Variants in RAP1GAP2 observed in about 807,000 individuals in gnomAD.
RAP1GAP2 encodes the protein rap1 GTPase-activating protein 2.
A neutral mutation model predicts 95.0 loss-of-function variants in RAP1GAP2; 27 were observed. The ratio of observed to expected loss-of-function variants is 0.28; its 90% CI spans 0.21 to 0.39. The LOEUF (loss-of-function observed/expected upper bound fraction) is 0.39. Among genes scored for constraint, RAP1GAP2 ranks in the 10% least tolerant of loss-of-function variants. The pLI, the probability that RAP1GAP2 is intolerant of heterozygous loss-of-function variation, is 1.00. For missense variants in RAP1GAP2, 771 were observed against 970.0 expected, an observed-to-expected ratio of 0.79 and a Z score of 2.72; for synonymous variants, 373 against 380.9, an observed-to-expected ratio of 0.98 and a Z score of 0.24.
intron 2 of RAP1GAP2, among the ~76,000 whole-genome samples, chr17:2,848,889 T>TCCTGCCTC (rs995416926): frequency 1.1e-4 from 16 of 152,270 alleles, no homozygotes; most frequent in African/African-American, 3.8e-4. Context: ...CCCGACGCCT[T>TCCTGCCTC]CCTGCCTCCC....
intron 2 of RAP1GAP2, among the ~76,000 whole-genome samples, chr17:2,828,560 CG>C (rs1567685702): frequency 6.6e-6 from 1 of 152,046 alleles, no homozygotes; most frequent in African/African-American, 2.4e-5. Context: ...CCTGAAGAGC[CG>C]GCGGGAAGAG....
intron 21 of RAP1GAP2, 128 bp downstream of exon 21, chr17:3,026,592 A>C (rs1159669229): frequency 1.1e-6 from 1 of 875,868 alleles, no homozygotes; most frequent in Non-Finnish European, 1.7e-6. Flanking sequence ...AAGAATGGAA[A>C]CGAGAGGTGG....
Position 2,900,583 on chromosome 17 carries a change from AG to A in RAP1GAP2, c.81-4699del, listed in dbSNP as rs2041995987. Among the ~76,000 whole-genome samples the A allele has an allele frequency of 5.9e-5, 9 of 152,092 alleles. No individual in the cohort carries two copies. The South Asian group carries it at 1.0e-3, about 18-fold the overall frequency. On this transcript the variant is annotated intron_variant, in intron 2 of 24. Coordinates refer to ENST00000254695, the MANE Select transcript of RAP1GAP2 (RefSeq NM_015085.5). Reference sequence around the variant, plus strand: ...CAGCCTCTCAAGTAGCTGGGATTACAGGCACCCGCCACCACGCCTGGCTAAT... The same window carrying A: ...CAGCCTCTCAAGTAGCTGGGATTACAGCACCCGCCACCACGCCTGGCTAAT...
Position 2,906,089 on chromosome 17 carries a change from C to A in RAP1GAP2, c.165+721C>A, listed in dbSNP as rs1253453579. Reference sequence around the variant, plus strand: ...ATAGGCTGGCATGCACGCTCTCCCTCCCTCCCTCCCTGCCTCCCTCCTTCC... The same window carrying A: ...ATAGGCTGGCATGCACGCTCTCCCTACCTCCCTCCCTGCCTCCCTCCTTCC... On this transcript the variant is annotated intron_variant, in intron 3 of 24. Transcript: ENST00000254695. The surrounding 1 kb of genome is among the most constrained non-coding windows in gnomAD (Gnocchi z 4.3). Among the ~76,000 whole-genome samples, 1 of 151,728 alleles carries A rather than the reference C, an allele frequency of 6.6e-6. No individual in the cohort carries two copies. Among genetic ancestry groups the A allele is most frequent in the Non-Finnish European group, 1.5e-5 (1 of 67,852 alleles).
In RAP1GAP2 at chr17:3,036,578, A is replaced by G. The variant is rs907372268; in HGVS notation, c.*3217A>G. 1.1e-4 allele frequency: 16 copies of G among 152,242 alleles called. No homozygotes were observed. Among genetic ancestry groups the G allele is most frequent in the African/African-American group, 3.9e-4 (16 of 41,448 alleles). The allele number at this position is 152,242 out of a possible 1,614,324, so 9.4% of individuals were successfully genotyped here. ...CTTTGGATGCAGCTTGAACCAAGAA[A>G]ACGAGGAGGGAAAGGGATTCAGTGA... is the stretch of plus-strand genomic sequence containing the variant. On this transcript the variant is annotated 3_prime_UTR_variant, in exon 25 of 25. Transcript: ENST00000254695.
intron 19 of RAP1GAP2, among the ~76,000 whole-genome samples, chr17:3,024,877 G>A (rs923466892): frequency 2.6e-5 from 4 of 152,148 alleles, no homozygotes; most frequent in Non-Finnish European, 5.9e-5. Flanking sequence ...TGATGGCTTC[G>A]GGATTGGGTG....
At chr17:2,962,806 T>TTCTGTCTCACACCTGTCTAAC in intron 5 of RAP1GAP2, 92 bp downstream of exon 5, 2 of 1,247,482 alleles carry the variant, frequency 1.6e-6, no homozygotes, top group African/African-American at 1.5e-5. Context: ...TGCTGGGGTC[T>TTCTGTCTCACACCTGTCTAAC]TCTGTCTCAC....
At chr17:2,891,814 C>CTTTTT (rs917540694) in intron 2 of RAP1GAP2, among the ~76,000 whole-genome samples, 637 of 54,258 alleles carry the variant, frequency 0.012, 20 homozygotes, top group Non-Finnish European at 0.014. Context: ...TATTTCTTTT[C>CTTTTT]TTTTTTTTTT....
At chr17:2,905,192 T>C (rs1013047106) in intron 2 of RAP1GAP2, 92 bp from the exon 3 acceptor site, 5 of 1,227,482 alleles carry the variant, frequency 4.1e-6, no homozygotes, top group South Asian at 2.7e-5. Flanking sequence ...CTGCATTGTA[T>C]GTTAAACTGT....
intron 2 of RAP1GAP2, among the ~76,000 whole-genome samples, chr17:2,808,020 T>G (rs1336350763): frequency 1.3e-5 from 2 of 152,188 alleles, no homozygotes; most frequent in African/African-American, 4.8e-5. Flanking sequence ...CATTCCTGTT[T>G]GGAGGTGGTA....
intron 3 of RAP1GAP2, among the ~76,000 whole-genome samples, chr17:2,946,133 A>T (rs1001149512): frequency 4.6e-5 from 7 of 152,128 alleles, no homozygotes; most frequent in African/African-American, 1.4e-4. Context: ...TTGCATTCCT[A>T]GGATAAATTC....
chr17:2,815,942 C>T (rs572869886), intron 2 of RAP1GAP2, among the ~76,000 whole-genome samples: 17 of 152,330 alleles, frequency 1.1e-4, no homozygotes, highest in African/African-American at 3.6e-4. Flanking sequence ...GTGGTACATG[C>T]GTGGACGCAG....
chr17:2,918,294 A>G (rs1026925862), intron 3 of RAP1GAP2, among the ~76,000 whole-genome samples: 1 of 151,990 alleles, frequency 6.6e-6, no homozygotes, highest in African/African-American at 2.4e-5. Flanking sequence ...TTAGTTGGGC[A>G]TGGTGGCGAG....
chr17:2,922,842 T>G (rs1407537785), intron 3 of RAP1GAP2, among the ~76,000 whole-genome samples: 3 of 150,814 alleles, frequency 2.0e-5, no homozygotes, highest in Non-Finnish European at 3.0e-5. Flanking sequence ...GTTTTTTTTT[T>G]TTTTTTTGAG....
At chr17:2,822,587 C>T (rs760080089) in intron 2 of RAP1GAP2, among the ~76,000 whole-genome samples, 2 of 150,350 alleles carry the variant, frequency 1.3e-5, no homozygotes, top group African/African-American at 2.5e-5. Context: ...ATCACACCAC[C>T]GTACTCCGCC....
At position 2,771,792 on chromosome 17, in the gene RAP1GAP2, A is replaced by C. The variant is rs565218654; in HGVS notation, c.167+1347A>C. Among the ~76,000 whole-genome samples, 9 of 152,210 alleles carry C rather than the reference A, an allele frequency of 5.9e-5. No individual in the cohort carries two copies. In the South Asian group the frequency reaches 1.9e-3, roughly 32 times the overall value. On this transcript the variant is annotated intron_variant, in intron 2 of 25. Coordinates refer to the RAP1GAP2 transcript ENST00000637138. ...AGCGTGAGCCACTGTGCCCGGCCAC[A>C]TAACTTCAGATTTCATACATGGGAA... is the stretch of plus-strand genomic sequence containing the variant.
chr17:2,898,883 G>A (rs1457226027), intron 2 of RAP1GAP2, among the ~76,000 whole-genome samples: 8 of 144,776 alleles, frequency 5.5e-5, no homozygotes, highest in Non-Finnish European at 9.1e-5. Context: ...GAGGCATGGA[G>A]AGGTGAGATA....
In RAP1GAP2 at chr17:2,871,363, T is replaced by G. The variant is rs936278984; in HGVS notation, c.81-33921T>G. On this transcript the variant is annotated intron_variant, in intron 2 of 24. Transcript: ENST00000254695. This position sits in a 1 kb window ranked among gnomAD's most constrained non-coding sequence, Gnocchi z 5.0. ...AGGGAGGAGTTCTGATTGGCCTGGA[T>G]TGTGTGTCCATCTCAGTCCCTATGT... Among the ~76,000 whole-genome samples, 1 of 152,106 alleles carries G rather than the reference T, an allele frequency of 6.6e-6. No homozygotes were observed. The highest frequency in any genetic ancestry group is 2.4e-5 in the African/African-American group (1 of 41,418).
intron 2 of RAP1GAP2, among the ~76,000 whole-genome samples, chr17:2,811,845 C>T (rs943503295): frequency 6.6e-6 from 1 of 152,128 alleles, no homozygotes; most frequent in Admixed American, 6.5e-5. Context: ...TCCTAAAGTG[C>T]TGGGATTACA....
Sources: gnomAD v4.1 joint callset for allele counts (sites outside exome capture counted in the v4.1 genomes callset) on GRCh38, gnomAD v4.1.1 for gene constraint, Gnocchi (gnomAD v3.1) non-coding constraint, MANE v1.5 for transcripts, NCBI Gene and HGNC (gene_info 2026-07-23, HGNC 2026-07-21) for gene names.